ALX3: variants seen among roughly 807,000 people sequenced by gnomAD.
ALX3 encodes the protein homeobox protein aristaless-like 3.
ALX3 carries 17 observed loss-of-function variants against 26.3 expected under a neutral mutation model. The observed-to-expected ratio is 0.65, with a 90% confidence interval of 0.44 to 0.97. ALX3 has a LOEUF of 0.97. Ranked by LOEUF, ALX3 falls within the 50% of genes least tolerant of loss-of-function variation. The pLI is 0.00. For missense variants in ALX3, 461 were observed against 466.5 expected (o/e 0.99, Z 0.11); for synonymous variants, 208 against 201.4 (o/e 1.03, Z -0.28).
intron 1 of ALX3, 62 bp downstream of exon 1, chr1:110,070,274 G>A: frequency 7.8e-7 from 1 of 1,282,366 alleles, no homozygotes; most frequent in Non-Finnish European, 9.9e-7. Flanking sequence ...GCCCGGGTGG[G>A]CCCGGGTAAG....
In ALX3 at chr1:110,061,476, A is replaced by G. The variant is rs769697275; in HGVS notation, c.682T>C (p.Tyr228His). The change falls in exon 3 of 4, where the codon TAT (tyrosine) becomes CAT (histidine). Residue 228 changes from tyrosine (Y) to histidine (H), a missense_variant. Physicochemically the swap from Tyr to His is moderately conservative, Grantham distance 83. Coordinates refer to ENST00000647563, the MANE Select transcript of ALX3 (RefSeq NM_006492.3). ...GTACGGGGCAGCACAGAGATGTCAT[A>G]GGCAGCCGTGAAGGGGTTCCGCCCC... ...QEGRNPFTAA[Y>H]DISVLPRTDS... The G allele has an allele frequency of 6.2e-7, 1 of 1,614,060 alleles. No individual in the cohort carries two copies. Among genetic ancestry groups the G allele is most frequent in the Non-Finnish European group, 8.5e-7 (1 of 1,180,026 alleles).
rs139794205 is a variant in ALX3 at position 110,064,796 on chromosome 1, G to A, written c.385C>T (p.Leu129=). ...GAAAGAGGAAGATGCAGGCTGGCCA[G>A]GCAGGGGCCTGGGGAGCCTTGCAAG... ...SNLQGSPGPC[L]ASLHLPLSPG... is the part of the protein sequence containing the mutation. Residue 129 remains leucine (L), a synonymous_variant, in exon 2 of 4, where the codon CTG becomes TTG. Coordinates refer to ENST00000647563, the MANE Select transcript of ALX3 (RefSeq NM_006492.3). The A allele has an allele frequency of 6.8e-5, 110 of 1,614,024 alleles. No homozygotes were observed. Among genetic ancestry groups the A allele is most frequent in the Non-Finnish European group, 8.7e-5 (103 of 1,180,054 alleles).
At position 110,060,353 on chromosome 1, in the gene ALX3, A is replaced by G. The variant is rs74117332; in HGVS notation, c.*380T>C. 1,890 of 160,500 alleles carry G rather than the reference A, an allele frequency of 0.012. 45 individuals carry two copies. The highest frequency in any genetic ancestry group is 0.043 in the African/African-American group (1,790 of 41,772). 9.9% of individuals were successfully genotyped at this position (160,500 alleles called of 1,614,324 possible). On this transcript the variant is annotated 3_prime_UTR_variant, in exon 4 of 4. Coordinates refer to ENST00000647563, the MANE Select transcript of ALX3 (RefSeq NM_006492.3). ...ATCTCATCATGAAGAGCTTCAGTCC[A>G]CGCGGCGTTCTCCTCCCATTTTCCT...
At chr1:110,065,857 A>G (rs966535800) in intron 1 of ALX3, among the ~76,000 whole-genome samples, 1 of 152,226 alleles carries the variant, frequency 6.6e-6, no homozygotes, top group Non-Finnish European at 1.5e-5. Context: ...CGACCGACAG[A>G]GCATGGTGAA....
intron 1 of ALX3, among the ~76,000 whole-genome samples, chr1:110,065,259 A>G (rs1653755117): frequency 6.6e-6 from 1 of 152,166 alleles, no homozygotes; most frequent in African/African-American, 2.4e-5. Context: ...GAATGGGGGC[A>G]GAGGGCGGGG....
At chr1:110,066,929 G>C (rs769807078) in intron 1 of ALX3, among the ~76,000 whole-genome samples, 21 of 152,206 alleles carry the variant, frequency 1.4e-4, no homozygotes, top group Non-Finnish European at 2.8e-4. Context: ...ACTTCTCAGA[G>C]CAGCTTCCCC....
Position 110,066,227 on chromosome 1 carries a change from GGTCA to G in ALX3, c.278-1328_278-1325del, listed in dbSNP as rs142656492. ...GCAGGGTCCTCCTCAGCTGGAAGGT[GGTCA>G]GTTACTTTCCAGGACTACCCAGGCC... On this transcript the variant is annotated intron_variant, in intron 1 of 3. Transcript: ENST00000647563. Among the ~76,000 whole-genome samples, 1,392 of 152,320 alleles carry G rather than the reference GGTCA, an allele frequency of 9.1e-3. 24 individuals are homozygous for G. Among genetic ancestry groups the G allele is most frequent in the African/African-American group, 0.032 (1,347 of 41,564 alleles).
intron 2 of ALX3, among the ~76,000 whole-genome samples, chr1:110,063,595 A>G (rs1653704774): frequency 6.6e-6 from 1 of 152,070 alleles, no homozygotes; most frequent in Non-Finnish European, 1.5e-5. Context: ...AGGGTGGGAT[A>G]GCATGAGCTT....
chr1:110,064,438 T>C, intron 2 of ALX3, 149 bp downstream of exon 2: 2 of 949,812 alleles, frequency 2.1e-6, no homozygotes, highest in Admixed American at 4.4e-5. Flanking sequence ...GGCATGAGGG[T>C]GAGCCCAGGA....
chr1:110,062,978 C>T (rs1033037891), intron 2 of ALX3, among the ~76,000 whole-genome samples: 2 of 152,186 alleles, frequency 1.3e-5, no homozygotes, highest in Admixed American at 1.3e-4. Context: ...GGGCTCTGGA[C>T]CTGCCCTCTG....
chr1:110,061,857 C>T (rs1429519793), intron 2 of ALX3: 1 of 467,784 alleles, frequency 2.1e-6, no homozygotes, highest in Non-Finnish European at 3.9e-6. Context: ...GTTGTGGGGG[C>T]ATCTGTGGGC....
At position 110,060,668 on chromosome 1, in the gene ALX3, G is replaced by GCTTCCTCCGTGGT; in HGVS notation, c.*64_*65insACCACGGAGGAAG. 14 of 1,520,610 alleles carry GCTTCCTCCGTGGT rather than the reference G, an allele frequency of 9.2e-6. No individual in the cohort carries two copies. Among genetic ancestry groups the GCTTCCTCCGTGGT allele is most frequent in the South Asian group, 2.5e-5 (2 of 78,746 alleles). The allele number at this position is 1,520,610 out of a possible 1,614,324, so 94.2% of individuals were successfully genotyped here. On this transcript the variant is annotated 3_prime_UTR_variant, in exon 4 of 4. Transcript: ENST00000647563. ...CCATCTGGGGCTTGGAGGCAGAGGT[G>GCTTCCTCCGTGGT]GGCTGGGAGCGACTGGGAATGGAAA... is the stretch of plus-strand genomic sequence containing the variant.
chr1:110,070,667 G>A lies in ALX3; in HGVS notation c.-55C>T. The A allele has an allele frequency of 1.7e-6, 2 of 1,180,928 alleles. No individual in the cohort carries two copies. The highest frequency in any genetic ancestry group is 2.1e-6 in the Non-Finnish European group (2 of 956,500). 73.2% of individuals were successfully genotyped at this position (1,180,928 alleles called of 1,614,324 possible). On this transcript the variant is annotated 5_prime_UTR_variant, in exon 1 of 4. Transcript: ENST00000647563. ...CTCCGGGGCTCGCGCTGCCCGCGCC[G>A]CCTGTGAGCGCCCGCCAAGGGGGAG...
chr1:110,061,411 G>C (rs763479585), intron 3 of ALX3, 24 bp downstream of exon 3: 1 of 1,614,224 alleles, frequency 6.2e-7, no homozygotes, highest in Non-Finnish European at 8.5e-7. Flanking sequence ...CCAGGTCCTG[G>C]TTCAGGTAGG....
intron 2 of ALX3, among the ~76,000 whole-genome samples, chr1:110,064,194 A>T (rs1653723121): frequency 1.3e-5 from 2 of 152,120 alleles, no homozygotes; most frequent in Non-Finnish European, 2.9e-5. Context: ...CGCTTCCAAA[A>T]TGCGGCCATC....
chr1:110,068,205 G>A lies in ALX3; in HGVS notation c.277+2131C>T, dbSNP rs559180296. Among the ~76,000 whole-genome samples the A allele has an allele frequency of 3.3e-5, 5 of 152,354 alleles. No individual in the cohort carries two copies. The South Asian group carries it at 8.3e-4, about 25-fold the overall frequency. ...ACTGCCCAGCCTCGTGAAAGATCGCGCCGCAGATGGGGCGCAGCTGCGCGC... is the reference window on the plus strand; with the variant it reads ...ACTGCCCAGCCTCGTGAAAGATCGCACCGCAGATGGGGCGCAGCTGCGCGC... On this transcript the variant is annotated intron_variant, in intron 1 of 3. Transcript: ENST00000647563.
rs562489667 is a variant in ALX3, at chr1:110,070,658, G to T, written c.-46C>A. The T allele has an allele frequency of 8.5e-7, 1 of 1,182,642 alleles. No individual in the cohort carries two copies. Among genetic ancestry groups the T allele is most frequent in the East Asian group, 3.6e-5 (1 of 27,500 alleles). 73.3% of individuals were successfully genotyped at this position (1,182,642 alleles called of 1,614,324 possible). On this transcript the variant is annotated 5_prime_UTR_variant, in exon 1 of 4. Transcript: ENST00000647563. ...CCTCCGGGGCTCCGGGGCTCGCGCT[G>T]CCCGCGCCGCCTGTGAGCGCCCGCC...
At chr1:110,061,698 T>G in intron 2 of ALX3, 135 bp from the exon 3 acceptor site, 1 of 1,340,628 alleles carries the variant, frequency 7.5e-7, no homozygotes, top group Non-Finnish European at 1.0e-6. Context: ...CAACTGTTAA[T>G]CCACACTGTT....
chr1:110,065,794 C>G (rs1452651416), intron 1 of ALX3, among the ~76,000 whole-genome samples: 4 of 152,268 alleles, frequency 2.6e-5, no homozygotes, highest in African/African-American at 7.2e-5. Context: ...CAGCCCCACT[C>G]TGACATGCTA....
Sources: allele counts gnomAD v4.1 joint callset (sites outside exome capture counted in the v4.1 genomes callset), GRCh38; gene constraint gnomAD v4.1.1; transcripts MANE v1.5; gene names NCBI Gene and HGNC (gene_info 2026-07-23, HGNC 2026-07-21).